The following PKP4 variants were observed in gnomAD, a reference collection of about 807,000 sequenced individuals.
PKP4 encodes the protein plakophilin-4.
PKP4 carries 90 observed loss-of-function variants against 145.1 expected under a neutral mutation model. The observed-to-expected ratio is 0.62, with a 90% CI of 0.52 to 0.74. The LOEUF is 0.74. Ranked by LOEUF, PKP4 falls within the 30% of genes least tolerant of loss-of-function variation. The pLI is 0.00. For synonymous variants in PKP4, 563 were observed against 577.2 expected (o/e 0.98, Z 0.35); for missense variants, 1,340 against 1,482.7 (o/e 0.90, Z 1.58).
At chr2:158,514,524 C>T (rs904717396) in intron 1 of PKP4, among the ~76,000 whole-genome samples, 3 of 152,160 alleles carry the variant, frequency 2.0e-5, no homozygotes, top group Non-Finnish European at 4.4e-5. Flanking sequence ...ATTCCTCTAT[C>T]CTGCTGAAGA....
chr2:158,627,381 G>A (rs2052902486), intron 7 of PKP4, among the ~76,000 whole-genome samples: 1 of 152,010 alleles, frequency 6.6e-6, no homozygotes, highest in Non-Finnish European at 1.5e-5. Context: ...ACCCTAAGAG[G>A]ACTCATTTCC....
intron 2 of PKP4, among the ~76,000 whole-genome samples, chr2:158,554,115 C>T (rs78238922): frequency 0.2 from 29,795 of 150,602 alleles, 3,891 homozygotes; most frequent in Middle Eastern, 0.35. Flanking sequence ...CCTGCCTTTA[C>T]ACGTCCCTGG....
intron 1 of PKP4, among the ~76,000 whole-genome samples, chr2:158,477,767 C>G (rs1478710851): frequency 6.6e-6 from 1 of 152,126 alleles, no homozygotes; most frequent in Non-Finnish European, 1.5e-5. Context: ...ATTACTTGAA[C>G]TCAGGAGATC....
chr2:158,554,432 T>TTA (rs1559316044), intron 2 of PKP4, among the ~76,000 whole-genome samples: 383 of 21,514 alleles, frequency 0.018, 2 homozygotes, highest in African/African-American at 0.034. Context: ...TATTATTATT[T>TTA]TTTTTTTTTT....
intron 3 of PKP4, among the ~76,000 whole-genome samples, chr2:158,580,970 C>T (rs1040467422): frequency 1.1e-4 from 17 of 152,202 alleles, no homozygotes; most frequent in Admixed American, 1.1e-3. Flanking sequence ...CAGAGCCTGG[C>T]GCTCAGCAAG....
chr2:158,503,876 G>C (rs1180148198), intron 1 of PKP4, among the ~76,000 whole-genome samples: 1 of 150,578 alleles, frequency 6.6e-6, no homozygotes, highest in Non-Finnish European at 1.5e-5. Context: ...TCTGTACCCA[G>C]AGTTTCTGAT....
intron 1 of PKP4, among the ~76,000 whole-genome samples, chr2:158,519,387 CT>C (rs1176542589): frequency 1.3e-5 from 2 of 152,192 alleles, no homozygotes; most frequent in African/African-American, 2.4e-5. Flanking sequence ...TTGGTCCCCC[CT>C]GGGTGTCAGT....
chr2:158,623,682 G>A (rs965136380), intron 6 of PKP4, among the ~76,000 whole-genome samples: 7 of 152,160 alleles, frequency 4.6e-5, no homozygotes, highest in Non-Finnish European at 7.3e-5. Flanking sequence ...TGGAGGCAGA[G>A]CAGACATCCT....
At chr2:158,641,378 C>T (rs1433890439) in intron 10 of PKP4, among the ~76,000 whole-genome samples, 1 of 151,782 alleles carries the variant, frequency 6.6e-6, no homozygotes, top group East Asian at 1.9e-4. Flanking sequence ...ATTCATTGAA[C>T]TAGTGAGCCA....
chr2:158,658,899 G>GA (rs2056259732), intron 12 of PKP4: 1 of 152,450 alleles, frequency 6.6e-6, no homozygotes, highest in South Asian at 2.1e-4. Context: ...CTGGGAACTG[G>GA]AAGCAAGCCT....
At chr2:158,466,255 C>T (rs1047620211) in intron 1 of PKP4, among the ~76,000 whole-genome samples, 1 of 152,168 alleles carries the variant, frequency 6.6e-6, no homozygotes, top group Admixed American at 6.5e-5. Flanking sequence ...GTGCCTAGTA[C>T]CTATCCTCTG....
At chr2:158,470,444 A>G (rs1430723487) in intron 1 of PKP4, among the ~76,000 whole-genome samples, 1 of 152,124 alleles carries the variant, frequency 6.6e-6, no homozygotes, top group Non-Finnish European at 1.5e-5. Context: ...GTCCTTCAAG[A>G]CCTAGTTCAA....
At chr2:158,536,861 T>C (rs1390448237) in intron 2 of PKP4, among the ~76,000 whole-genome samples, 1 of 152,172 alleles carries the variant, frequency 6.6e-6, no homozygotes. Context: ...GTCAAATCTC[T>C]CTCCTGATCT....
At chr2:158,543,347 G>A (rs935274121) in intron 2 of PKP4, among the ~76,000 whole-genome samples, 1 of 152,112 alleles carries the variant, frequency 6.6e-6, no homozygotes, top group South Asian at 2.1e-4. Flanking sequence ...GGTTACATTA[G>A]TGGTAGAGGC....
At chr2:158,602,427 C>T (rs995668527) in intron 3 of PKP4, among the ~76,000 whole-genome samples, 5 of 152,202 alleles carry the variant, frequency 3.3e-5, no homozygotes, top group Non-Finnish European at 5.9e-5. Flanking sequence ...TTCTGCTACA[C>T]TGTCCCTGTA....
intron 4 of PKP4, among the ~76,000 whole-genome samples, chr2:158,609,536 A>G (rs1205438322): frequency 6.6e-6 from 1 of 152,164 alleles, no homozygotes; most frequent in Non-Finnish European, 1.5e-5. Flanking sequence ...CTTAAGTTTT[A>G]CAAATTTGAC....
rs747754927 is a variant in PKP4 at position 158,508,366 on chromosome 2, CAAA to C, written c.-5-24794_-5-24792del. ...GGGCAACAAGAGCAAAACTCCGTCT[CAAA>C]AAAAAAAAAAAAAAAAAAAGAAGAA... On this transcript the variant is annotated intron_variant, in intron 1 of 21. Transcript: ENST00000389759. 5.2e-3 allele frequency among the ~76,000 whole-genome samples: 604 copies of C among 115,850 alleles called. 5 individuals carry two copies. The highest frequency in any genetic ancestry group is 0.017 in the African/African-American group (559 of 32,536). 76.0% of individuals were successfully genotyped at this position (115,850 alleles called of 152,430 possible).
At chr2:158,516,435 T>G (rs2041944491) in intron 1 of PKP4, among the ~76,000 whole-genome samples, 1 of 152,194 alleles carries the variant, frequency 6.6e-6, no homozygotes, top group Non-Finnish European at 1.5e-5. Flanking sequence ...GGAGCACACT[T>G]TGAGAATTTT....
chr2:158,524,700 G>C lies in PKP4; in HGVS notation c.-5-8480G>C, dbSNP rs1335908728. On this transcript the variant is annotated intron_variant, in intron 1 of 21. Coordinates refer to ENST00000389759, the MANE Select transcript of PKP4 (RefSeq NM_003628.6). ...GACACAGACTGGCAAGTTGGATAAA[G>C]AGTCAAGACCCATCAGTGTGCTGTA... 6.4e-4 allele frequency among the ~76,000 whole-genome samples: 10 copies of C among 15,626 alleles called. No homozygotes were observed. The East Asian group carries it at 0.01, about 16-fold the overall frequency. The allele number at this position is 15,626 out of a possible 152,430, so 10.3% of individuals were successfully genotyped here.
Sources: allele counts gnomAD v4.1 joint callset (sites outside exome capture counted in the v4.1 genomes callset), GRCh38; gene constraint gnomAD v4.1.1; transcripts MANE v1.5; gene names NCBI Gene and HGNC (gene_info 2026-07-23, HGNC 2026-07-21).